The following RAC1 variants were observed in gnomAD, a reference collection of about 807,000 sequenced individuals.
The protein encoded by RAC1 is ras-related C3 botulinum toxin substrate 1.
In RAC1, 2 loss-of-function variants were observed where a neutral mutation model predicts 25.2. The observed-to-expected ratio is 0.08, with a 90% confidence interval of 0.03 to 0.25. The LOEUF is 0.25. Ranked by LOEUF, RAC1 falls within the 10% of genes least tolerant of loss-of-function variation. The pLI, the probability that RAC1 is intolerant of heterozygous loss-of-function variation, is 1.00. For missense variants in RAC1, 50 were observed against 235.7 expected, an observed-to-expected ratio of 0.21 and a Z score of 5.16; for synonymous variants, 88 against 94.0, an observed-to-expected ratio of 0.94 and a Z score of 0.37.
At position 6,374,617 on chromosome 7, in the gene RAC1, G is replaced by C. The variant is rs1583253783; in HGVS notation, c.-119G>C. ...CGGAGGGCGAGGCGGCGTGGACAGC[G>C]GCCCCGGCACCCAGCGCCCCGCCGC... On this transcript the variant is annotated 5_prime_UTR_variant, in exon 1 of 6. Transcript: ENST00000348035. 1.8e-6 allele frequency: 1 copy of C among 564,454 alleles called. No individual in the cohort carries two copies. Among genetic ancestry groups the C allele is most frequent in the East Asian group, 9.7e-5 (1 of 10,338 alleles). The allele number at this position is 564,454 out of a possible 1,614,324, so 35.0% of individuals were successfully genotyped here.
At chr7:6,376,676 T>G (rs980353101) in intron 1 of RAC1, among the ~76,000 whole-genome samples, 2 of 134,928 alleles carry the variant, frequency 1.5e-5, no homozygotes, top group Admixed American at 7.2e-5. Flanking sequence ...TAATTTGTTT[T>G]TTTTTTTTTT....
At chr7:6,383,052 A>G (rs200525754) in intron 1 of RAC1, among the ~76,000 whole-genome samples, 70 of 152,362 alleles carry the variant, frequency 4.6e-4, no homozygotes, top group African/African-American at 1.5e-3. Context: ...CAGCCGACTC[A>G]TGTTCGTTTC....
At chr7:6,389,805 C>T (rs1013006007) in intron 2 of RAC1, among the ~76,000 whole-genome samples, 6 of 152,152 alleles carry the variant, frequency 3.9e-5, no homozygotes, top group African/African-American at 2.4e-5. Context: ...GGATTACAGG[C>T]GTGAGCCACC....
At position 6,383,323 on chromosome 7, in the gene RAC1, A is replaced by T. The variant is rs1206434824; in HGVS notation, c.36-3889A>T. ...AATATACACTAATAGGAGTGGAATA[A>T]CCTTTTTCTTTTACCTATTTGAATA... On this transcript the variant is annotated intron_variant, in intron 1 of 5. Transcript: ENST00000348035. 3.3e-5 allele frequency among the ~76,000 whole-genome samples: 5 copies of T among 152,226 alleles called. No individual in the cohort carries two copies. In the East Asian group the frequency reaches 9.6e-4, roughly 29 times the overall value.
At chr7:6,385,518 C>G (rs1179334505) in intron 1 of RAC1, among the ~76,000 whole-genome samples, 1 of 152,200 alleles carries the variant, frequency 6.6e-6, no homozygotes, top group Non-Finnish European at 1.5e-5. Context: ...GGTTTATTTT[C>G]ACATTCTAAG....
chr7:6,379,026 A>G (rs1782686992), intron 1 of RAC1, among the ~76,000 whole-genome samples: 1 of 152,082 alleles, frequency 6.6e-6, no homozygotes, highest in East Asian at 1.9e-4. Flanking sequence ...GGGAGGTGGA[A>G]GTTGCAGTGA....
rs371518844 is a variant in RAC1 at position 6,402,305 on chromosome 7, G to A, written c.449-11G>A. On this transcript the variant is annotated splice_polypyrimidine_tract_variant and intron_variant, in intron 5 of 5. Transcript: ENST00000348035. Reference sequence around the variant, plus strand: ...CGAGTGTACATTGCCGTGTGGTCGTGTTTCCTGTAGGTGCTGTAAAATACC... The same window carrying A: ...CGAGTGTACATTGCCGTGTGGTCGTATTTCCTGTAGGTGCTGTAAAATACC... 3 of 1,599,664 alleles carry A rather than the reference G, an allele frequency of 1.9e-6. No homozygotes were observed. The highest frequency in any genetic ancestry group is 1.3e-5 in the African/African-American group (1 of 74,292).
intron 1 of RAC1, among the ~76,000 whole-genome samples, chr7:6,379,226 C>T (rs1211938227): frequency 6.6e-6 from 1 of 151,044 alleles, no homozygotes; most frequent in Non-Finnish European, 1.5e-5. Context: ...GTCAGCCTCC[C>T]AAGTAGCTGG....
At chr7:6,395,211 C>A (rs1365712810) in intron 3 of RAC1, among the ~76,000 whole-genome samples, 2 of 152,198 alleles carry the variant, frequency 1.3e-5, no homozygotes, top group Non-Finnish European at 2.9e-5. Flanking sequence ...GGTGATCCGC[C>A]TGCCTCTGCC....
At chr7:6,385,986 T>C (rs1782911583) in intron 1 of RAC1, among the ~76,000 whole-genome samples, 1 of 152,198 alleles carries the variant, frequency 6.6e-6, no homozygotes, top group Non-Finnish European at 1.5e-5. Flanking sequence ...TATGTTTTGC[T>C]AATGATGTGG....
chr7:6,401,922 A>G lies in RAC1; in HGVS notation c.343A>G (p.Thr115Ala). ...CAACACTCCCATCATCCTAGTGGGA[A>G]CTAAACTTGATCTTAGGGATGATAA... ...CPNTPIILVG[T>A]KLDLRDDKDT... The change falls in exon 5 of 6, where the codon ACT becomes GCT. Residue 115 changes from threonine to alanine, a missense_variant. Physicochemically the swap from Thr to Ala is moderately conservative, Grantham distance 58 (BLOSUM62 0). Coordinates refer to ENST00000348035, the MANE Select transcript of RAC1 (RefSeq NM_006908.5). 1 of 1,614,134 alleles carries G rather than the reference A, an allele frequency of 6.2e-7. No homozygotes were observed. Among genetic ancestry groups the G allele is most frequent in the Non-Finnish European group, 8.5e-7 (1 of 1,179,970 alleles).
intron 4 of RAC1, among the ~76,000 whole-genome samples, chr7:6,400,656 TG>T (rs1783370464): frequency 6.6e-6 from 1 of 152,062 alleles, no homozygotes; most frequent in Non-Finnish European, 1.5e-5. Context: ...TATTTATTTT[TG>T]AGAGAGTCTT....
intron 1 of RAC1, among the ~76,000 whole-genome samples, chr7:6,378,519 C>T (rs1350521291): frequency 4.0e-5 from 6 of 151,680 alleles, no homozygotes; most frequent in Non-Finnish European, 7.4e-5. Flanking sequence ...GCACTCCAGC[C>T]TGGGCGACAA....
chr7:6,377,200 G>GT (rs386359613), intron 1 of RAC1, among the ~76,000 whole-genome samples: 11,329 of 141,588 alleles, frequency 0.08, 1,037 homozygotes, highest in African/African-American at 0.23. Context: ...TTTTCAGTCT[G>GT]TTTTTTTTTT....
intron 4 of RAC1, chr7:6,401,555 A>G (rs1296544605): frequency 1.6e-5 from 3 of 193,204 alleles, no homozygotes; most frequent in Non-Finnish European, 1.1e-5. Context: ...AAAGTGATCT[A>G]TTTGCTTTGG....
intron 1 of RAC1, among the ~76,000 whole-genome samples, chr7:6,386,598 A>G (rs185309337): frequency 2.4e-4 from 37 of 152,114 alleles, no homozygotes; most frequent in African/African-American, 8.7e-4. Context: ...CCTGGCCAAC[A>G]TGGCGAAAAC....
At chr7:6,378,915 C>G (rs1359006832) in intron 1 of RAC1, among the ~76,000 whole-genome samples, 1 of 152,104 alleles carries the variant, frequency 6.6e-6, no homozygotes, top group Non-Finnish European at 1.5e-5. Flanking sequence ...TGGTGAAACC[C>G]TGTCTCTACT....
At chr7:6,387,092 A>G (rs1020105240) in intron 1 of RAC1, 120 bp from the exon 2 acceptor site, 25 of 621,192 alleles carry the variant, frequency 4.0e-5, no homozygotes, top group Middle Eastern at 4.3e-4. Context: ...ATTTTCTTTA[A>G]TGCTAAGTAT....
Position 6,382,544 on chromosome 7 carries a change from A to G in RAC1, c.36-4668A>G, listed in dbSNP as rs1019810894. 3.3e-5 allele frequency among the ~76,000 whole-genome samples: 5 copies of G among 152,210 alleles called. No homozygotes were observed. In the East Asian group the frequency reaches 9.7e-4, roughly 29 times the overall value. ...ATTTCAGGAAGTAACACTAAAGTTTACCCTACTCTCCTCAAAAAGTAAGTA... is the reference window on the plus strand; with the variant it reads ...ATTTCAGGAAGTAACACTAAAGTTTGCCCTACTCTCCTCAAAAAGTAAGTA... On this transcript the variant is annotated intron_variant, in intron 1 of 5. Transcript: ENST00000348035.
Sources: gnomAD v4.1 joint callset for allele counts (sites outside exome capture counted in the v4.1 genomes callset) on GRCh38, gnomAD v4.1.1 for gene constraint, MANE v1.5 for transcripts, NCBI Gene and HGNC (gene_info 2026-07-23, HGNC 2026-07-21) for gene names.